Variants in PTBP2 observed in about 807,000 individuals in gnomAD.
PTBP2 encodes polypyrimidine tract binding protein 2, also known as polypyrimidine tract-binding protein 2.
In PTBP2, 13 loss-of-function variants were observed where a neutral mutation model predicts 61.4. That is an observed-to-expected ratio of 0.21 (90% confidence interval 0.14 to 0.34). The LOEUF (loss-of-function observed/expected upper bound fraction) is 0.34, where lower values mean the gene tolerates loss of function less well. PTBP2 is among the 10% of genes least tolerant of loss of function. PTBP2 has a pLI of 1.00. For synonymous variants in PTBP2, 215 were observed against 218.5 expected (o/e 0.98, Z 0.14); for missense variants, 405 against 642.6 (o/e 0.63, Z 4.00).
At chr1:96,722,836 TCG>T (rs1243956853) in intron 1 of PTBP2, among the ~76,000 whole-genome samples, 1 of 152,154 alleles carries the variant, frequency 6.6e-6, no homozygotes, top group Non-Finnish European at 1.5e-5. Flanking sequence ...GACCGATGTC[TCG>T]CTCATATGCT....
At chr1:96,754,579 T>C (rs1208496772) in intron 3 of PTBP2, among the ~76,000 whole-genome samples, 3 of 152,068 alleles carry the variant, frequency 2.0e-5, no homozygotes, top group Admixed American at 6.6e-5. Context: ...AGAGGAAAAA[T>C]TGGAGCATTG....
intron 2 of PTBP2, among the ~76,000 whole-genome samples, chr1:96,742,851 T>C (rs1653223259): frequency 6.6e-6 from 1 of 152,214 alleles, no homozygotes; most frequent in Admixed American, 6.5e-5. Flanking sequence ...CTATTAAATG[T>C]GACATTGGTA....
intron 8 of PTBP2, among the ~76,000 whole-genome samples, chr1:96,798,653 G>GTAA (rs1384034987): frequency 6.6e-6 from 1 of 152,170 alleles, no homozygotes; most frequent in East Asian, 1.9e-4. Flanking sequence ...ATGATTAAAT[G>GTAA]TAATAGGAGA....
Position 96,760,520 on chromosome 1 carries a change from A to G in PTBP2, c.115+9020A>G, listed in dbSNP as rs541364873. Reference sequence around the variant, plus strand: ...GAATGCAGTGGCATGATCTCAGCTTACTGCAACCTCCGCCTCCTGGGTTCA... The same window carrying G: ...GAATGCAGTGGCATGATCTCAGCTTGCTGCAACCTCCGCCTCCTGGGTTCA... On this transcript the variant is annotated intron_variant, in intron 3 of 13. Coordinates refer to ENST00000674951, the MANE Select transcript of PTBP2 (RefSeq NM_021190.4). Among the ~76,000 whole-genome samples the G allele has an allele frequency of 1.3e-3, 163 of 127,914 alleles. 2 individuals carry two copies. The Admixed American group carries it at 0.016, about 12-fold the overall frequency. 83.9% of individuals were successfully genotyped at this position (127,914 alleles called of 152,430 possible). A position where few individuals can be genotyped will look rare whatever the true frequency, so the allele number is the denominator to read the frequency against.
At chr1:96,734,906 T>TC (rs1651949623) in intron 2 of PTBP2, among the ~76,000 whole-genome samples, 1 of 73,682 alleles carries the variant, frequency 1.4e-5, no homozygotes, top group Admixed American at 1.6e-4. Context: ...TTTTTTTCTT[T>TC]TTTTTTTTTT....
At chr1:96,768,873 G>A (rs1246998504) in intron 3 of PTBP2, among the ~76,000 whole-genome samples, 1 of 151,968 alleles carries the variant, frequency 6.6e-6, no homozygotes, top group South Asian at 2.1e-4. Context: ...TGGATTGACT[G>A]CATTATCATT....
intron 8 of PTBP2, among the ~76,000 whole-genome samples, chr1:96,791,090 C>T (rs1157277922): frequency 2.7e-5 from 4 of 149,258 alleles, no homozygotes; most frequent in Non-Finnish European, 5.9e-5. Context: ...TGTTTTTTGT[C>T]GTATGTGTAC....
chr1:96,801,537 A>T (rs1338474094), intron 8 of PTBP2, among the ~76,000 whole-genome samples: 1 of 152,058 alleles, frequency 6.6e-6, no homozygotes. Flanking sequence ...GGCTAATAGT[A>T]TGTGTGTTTA....
chr1:96,784,660 A>G (rs1225176900), intron 7 of PTBP2, among the ~76,000 whole-genome samples: 1 of 152,176 alleles, frequency 6.6e-6, no homozygotes, highest in Non-Finnish European at 1.5e-5. Flanking sequence ...TGAATCATAT[A>G]AGTACTGCCA....
chr1:96,821,473 T>C (rs1166093333), exon 14 of PTBP2: 1 of 152,038 alleles, frequency 6.6e-6, no homozygotes. Flanking sequence ...TCCATTATTA[T>C]GCTTTCAAGT....
At chr1:96,791,711 A>G (rs999478021) in intron 8 of PTBP2, among the ~76,000 whole-genome samples, 2 of 152,056 alleles carry the variant, frequency 1.3e-5, no homozygotes, top group African/African-American at 4.8e-5. Context: ...GTTTGGCTCC[A>G]CTATCAAAAT....
chr1:96,735,955 T>G (rs1652109527), intron 2 of PTBP2, among the ~76,000 whole-genome samples: 1 of 152,172 alleles, frequency 6.6e-6, no homozygotes, highest in Non-Finnish European at 1.5e-5. Context: ...TAGAGATCTT[T>G]AAAGCAGCCA....
rs555376161 is a variant in PTBP2 at position 96,734,578 on chromosome 1, GT to G, written c.39+10994del. Among the ~76,000 whole-genome samples the G allele has an allele frequency of 1.9e-4, 28 of 144,302 alleles. 1 individual carries two copies. The highest frequency in any genetic ancestry group is 6.1e-4 in the African/African-American group (24 of 39,276). The allele number at this position is 144,302 out of a possible 152,430, so 94.7% of individuals were successfully genotyped here. ...TACAAGCTCTCCGTTCCTGTTTTTTGTTTTTTTTTTAAGTTGCATTTCATTT... is the reference window on the plus strand; with the variant it reads ...TACAAGCTCTCCGTTCCTGTTTTTTGTTTTTTTTTAAGTTGCATTTCATTT... On this transcript the variant is annotated intron_variant, in intron 2 of 13. Coordinates refer to ENST00000674951, the MANE Select transcript of PTBP2 (RefSeq NM_021190.4).
intron 5 of PTBP2, among the ~76,000 whole-genome samples, chr1:96,776,929 C>T (rs1658104494): frequency 6.6e-6 from 1 of 151,918 alleles, no homozygotes; most frequent in Non-Finnish European, 1.5e-5. Context: ...ATTAGTCATA[C>T]ATAAAACAAT....
At chr1:96,724,832 T>A (rs889646400) in intron 2 of PTBP2, among the ~76,000 whole-genome samples, 11 of 152,110 alleles carry the variant, frequency 7.2e-5, no homozygotes, top group Non-Finnish European at 1.6e-4. Context: ...GTTGTACTCA[T>A]GTACCCTAAA....
At chr1:96,747,972 A>G (rs1159389229) in intron 2 of PTBP2, among the ~76,000 whole-genome samples, 1 of 151,426 alleles carries the variant, frequency 6.6e-6, no homozygotes, top group Non-Finnish European at 1.5e-5. Flanking sequence ...TGCGTGAGTC[A>G]GGGCTTTTGC....
chr1:96,778,012 T>C lies in PTBP2; in HGVS notation c.708+66T>C, dbSNP rs1229740516. The C allele has an allele frequency of 6.5e-6, 5 of 766,886 alleles. No individual in the cohort carries two copies. In the African/African-American group the frequency reaches 7.1e-5, roughly 11 times the overall value. 47.5% of individuals were successfully genotyped at this position (766,886 alleles called of 1,614,324 possible). On this transcript the variant is annotated intron_variant, in intron 7 of 13. Coordinates refer to ENST00000674951, the MANE Select transcript of PTBP2 (RefSeq NM_021190.4). ...ATGTATATGTAGAAAAATATATATA[T>C]ATGTATGTATACTTAATGATATCTT...
At chr1:96,817,067 T>G (rs1662514616), downstream of PTBP2, 1 of 152,186 alleles carries the variant, frequency 6.6e-6, no homozygotes, top group Non-Finnish European at 1.5e-5. Flanking sequence ...TGGATTTAGC[T>G]TTATATTTTC....
intron 2 of PTBP2, among the ~76,000 whole-genome samples, chr1:96,725,010 A>G (rs1036653228): frequency 6.6e-6 from 1 of 152,168 alleles, no homozygotes; most frequent in Non-Finnish European, 1.5e-5. Context: ...TTCATTTTGT[A>G]CAGACTAAAG....
Sources: gnomAD v4.1 joint callset for allele counts (sites outside exome capture counted in the v4.1 genomes callset) on GRCh38, gnomAD v4.1.1 for gene constraint, MANE v1.5 for transcripts, NCBI Gene and HGNC (gene_info 2026-07-23, HGNC 2026-07-21) for gene names.